MEPE: variants seen among roughly 807,000 people sequenced by gnomAD.
MEPE encodes matrix extracellular phosphoglycoprotein.
In MEPE, 7 loss-of-function variants were observed where a neutral mutation model predicts 7.3. The ratio of observed to expected loss-of-function variants is 0.95; its 90% confidence interval spans 0.54 to 1.79. MEPE has a LOEUF of 1.79. MEPE is among the 40% of genes most tolerant of loss of function. The pLI is 0.00. For synonymous variants in MEPE, 214 were observed against 213.1 expected (o/e 1.00, Z -0.04); for missense variants, 623 against 628.2 (o/e 0.99, Z 0.09).
chr4:87,842,387 C>G (rs757175793), intron 3 of MEPE, among the ~76,000 whole-genome samples: 1 of 152,176 alleles, frequency 6.6e-6, no homozygotes, highest in Non-Finnish European at 1.5e-5. Context: ...TTAATGAACA[C>G]ATCTAAGATG....
At chr4:87,829,785 T>C (rs1228223096), upstream of MEPE, among the ~76,000 whole-genome samples, 1 of 152,070 alleles carries the variant, frequency 6.6e-6, no homozygotes, top group African/African-American at 2.4e-5. Flanking sequence ...AGTCTCAGAG[T>C]TGGCTGAACA....
intron 1 of MEPE, among the ~76,000 whole-genome samples, chr4:87,827,872 A>AAT (rs1722506604): frequency 6.6e-6 from 1 of 152,194 alleles, no homozygotes; most frequent in Non-Finnish European, 1.5e-5. Context: ...ATCTGGCTGA[A>AAT]ATTTTTATGG....
At chr4:87,840,933 C>A (rs1400517899) in intron 3 of MEPE, among the ~76,000 whole-genome samples, 1 of 152,158 alleles carries the variant, frequency 6.6e-6, no homozygotes, top group Admixed American at 6.6e-5. Context: ...CATAAACCAT[C>A]GAACAGTCAG....
chr4:87,843,627 T>C (rs936755924), intron 3 of MEPE, among the ~76,000 whole-genome samples: 8 of 152,214 alleles, frequency 5.3e-5, no homozygotes, highest in African/African-American at 1.9e-4. Context: ...CTGTCTATAA[T>C]TGTTCTGTTG....
At position 87,844,890 on chromosome 4, in the gene MEPE, G is replaced by A. The variant is rs1723149834; in HGVS notation, c.109-87G>A. The A allele has an allele frequency of 5.0e-6, 5 of 999,008 alleles. No individual in the cohort carries two copies. The South Asian group carries it at 1.1e-4, about 22-fold the overall frequency. The allele number at this position is 999,008 out of a possible 1,614,324, so 61.9% of individuals were successfully genotyped here. A position where few individuals can be genotyped will look rare whatever the true frequency, so the allele number is the denominator to read the frequency against. On this transcript the variant is annotated intron_variant, in intron 3 of 3. Coordinates refer to ENST00000361056, the MANE Select transcript of MEPE (RefSeq NM_020203.6). ...ATAGATCCTTTTTATTAAATATCTG[G>A]TGGATGGTTTTTATATTGCCTAAGA...
Position 87,838,648 on chromosome 4 carries a change from C to T in MEPE, c.71C>T (p.Thr24Ile). The T allele has an allele frequency of 1.2e-6, 2 of 1,613,484 alleles. No individual in the cohort carries two copies. Among genetic ancestry groups the T allele is most frequent in the Non-Finnish European group, 1.7e-6 (2 of 1,179,592 alleles). The stretch of plus-strand genomic sequence containing the variant: ...TCCTTTCAGACATTTCAACCACAGA[C>T]TGAGAAAACTAAGCAAAGCTGTGTG... ...TWAAPTFQPQ[T>I]EKTKQSCVEE... Residue 24 changes from threonine (T) to isoleucine (I), a missense_variant, in exon 3 of 4, where the codon ACT (threonine) becomes ATT (isoleucine). By Grantham distance (89) the Thr-to-Ile change is moderately conservative (BLOSUM62 -1). Transcript: ENST00000361056.
intron 1 of MEPE, among the ~76,000 whole-genome samples, chr4:87,833,396 A>G (rs1722653680): frequency 6.6e-6 from 1 of 152,184 alleles, no homozygotes; most frequent in African/African-American, 2.4e-5. Flanking sequence ...AACTCATTTC[A>G]TAAGTTACTT....
chr4:87,826,566 CA>C (rs1159726251), intron 1 of MEPE, among the ~76,000 whole-genome samples: 1 of 152,126 alleles, frequency 6.6e-6, no homozygotes, highest in African/African-American at 2.4e-5. Flanking sequence ...GGAATTGCCA[CA>C]CTGTCTTCCA....
intron 3 of MEPE, among the ~76,000 whole-genome samples, chr4:87,841,295 A>G (rs1262836605): frequency 6.6e-6 from 1 of 152,210 alleles, no homozygotes; most frequent in Non-Finnish European, 1.5e-5. Context: ...TGCAAAGGAA[A>G]ACATAAATGT....
At chr4:87,823,792 A>G (rs565200787) in intron 1 of MEPE, among the ~76,000 whole-genome samples, 13 of 152,326 alleles carry the variant, frequency 8.5e-5, no homozygotes, top group African/African-American at 2.9e-4. Context: ...AATCTAAAGT[A>G]AAGAAACATG....
intron 1 of MEPE, among the ~76,000 whole-genome samples, chr4:87,823,813 T>TA (rs1486993994): frequency 6.6e-6 from 1 of 151,944 alleles, no homozygotes; most frequent in African/African-American, 2.4e-5. Context: ...AATCTCGGGT[T>TA]AAAAAAAAGA....
At chr4:87,837,355 C>CCG (rs1560538392) in intron 2 of MEPE, among the ~76,000 whole-genome samples, 2 of 152,070 alleles carry the variant, frequency 1.3e-5, no homozygotes, top group African/African-American at 4.8e-5. Flanking sequence ...TCCTTCCCCC[C>CCG]CTCCAGACTC....
chr4:87,846,456 A>G lies in MEPE; in HGVS notation c.*10A>G. On this transcript the variant is annotated 3_prime_UTR_variant, in exon 4 of 4. Coordinates refer to ENST00000361056, the MANE Select transcript of MEPE (RefSeq NM_020203.6). ...GAGCGATGGTGACTAGTCCACCAGG[A>G]GTTCCCAGCGGGGTGACAGTCTGAA... 1 of 1,605,730 alleles carries G rather than the reference A, an allele frequency of 6.2e-7. No individual in the cohort carries two copies. The highest frequency in any genetic ancestry group is 2.2e-5 in the East Asian group (1 of 44,792).
At chr4:87,841,509 T>C (rs973491637) in intron 3 of MEPE, among the ~76,000 whole-genome samples, 9 of 152,178 alleles carry the variant, frequency 5.9e-5, no homozygotes, top group Non-Finnish European at 1.2e-4. Context: ...TTTACAAATA[T>C]TATACATTGG....
At chr4:87,834,819 A>G in intron 2 of MEPE, 51 bp downstream of exon 2, 3 of 1,503,508 alleles carry the variant, frequency 2.0e-6, no homozygotes, top group Non-Finnish European at 2.7e-6. Context: ...TGCTCTCTTC[A>G]TTTGTTTTTC....
intron 3 of MEPE, chr4:87,839,796 T>G: frequency 6.5e-7 from 1 of 1,547,016 alleles, no homozygotes; most frequent in Non-Finnish European, 8.7e-7. Flanking sequence ...AATCTCTGAA[T>G]GACCATTCTC....
chr4:87,828,432 T>C (rs1378961693), upstream of MEPE, among the ~76,000 whole-genome samples: 1 of 152,012 alleles, frequency 6.6e-6, no homozygotes, highest in Admixed American at 6.6e-5. Flanking sequence ...TGTGTTACCT[T>C]AATAGAGTCA....
At chr4:87,840,548 T>C (rs1722975104) in intron 3 of MEPE, among the ~76,000 whole-genome samples, 1 of 152,206 alleles carries the variant, frequency 6.6e-6, no homozygotes, top group Non-Finnish European at 1.5e-5. Context: ...GTGGAGTTCT[T>C]AACTGGTGTG....
chr4:87,839,962 C>T, intron 3 of MEPE: 1 of 1,535,492 alleles, frequency 6.5e-7, no homozygotes, highest in Non-Finnish European at 8.7e-7. Flanking sequence ...ACTCTGGGTC[C>T]CAGAATCTTC....
Sources: gnomAD v4.1 joint callset for allele counts (sites outside exome capture counted in the v4.1 genomes callset) on GRCh38, gnomAD v4.1.1 for gene constraint, MANE v1.5 for transcripts, NCBI Gene and HGNC (gene_info 2026-07-23, HGNC 2026-07-21) for gene names.